DNAH14: variants seen among roughly 807,000 people sequenced by gnomAD.
The protein encoded by DNAH14 is dynein axonemal heavy chain 14, also known as axonemal beta dynein heavy chain 14.
A neutral mutation model predicts 520.9 loss-of-function variants in DNAH14; 478 were observed. That is an observed-to-expected ratio of 0.92 (90% CI 0.85 to 0.99). The LOEUF is 0.99. Among genes scored for constraint, DNAH14 ranks in the 50% least tolerant of loss-of-function variants. DNAH14 has a pLI of 0.00. For synonymous variants in DNAH14, 1,581 were observed against 1,757.2 expected (o/e 0.90, Z 2.51); for missense variants, 4,831 against 5,234.5 (o/e 0.92, Z 2.38).
Position 225,377,446 on chromosome 1 carries a change from C to T in DNAH14, c.12716+10C>T, listed in dbSNP as rs1394585196. ...CCAACCTCATGATCAGGTAAGAACTCGCTAGGAAAAATTGTTGGTCAAAAA... is the reference window on the plus strand; with the variant it reads ...CCAACCTCATGATCAGGTAAGAACTTGCTAGGAAAAATTGTTGGTCAAAAA... On this transcript the variant is annotated intron_variant, in intron 79 of 85. Transcript: ENST00000682510. 9.1e-6 allele frequency: 14 copies of T among 1,531,196 alleles called. No individual in the cohort carries two copies. The East Asian group carries it at 2.7e-4, about 30-fold the overall frequency. 94.9% of individuals were successfully genotyped at this position (1,531,196 alleles called of 1,614,324 possible). A position where few individuals can be genotyped will look rare whatever the true frequency, so the allele number is the denominator to read the frequency against.
At chr1:224,944,608 C>T (rs2059666427) in intron 1 of DNAH14, among the ~76,000 whole-genome samples, 1 of 152,174 alleles carries the variant, frequency 6.6e-6, no homozygotes, top group Non-Finnish European at 1.5e-5. Flanking sequence ...TACAATTTGG[C>T]ATGTTTTTGC....
At chr1:225,079,157 C>T in intron 17 of DNAH14, 50 bp from the exon 18 acceptor site, 1 of 1,460,976 alleles carries the variant, frequency 6.8e-7, no homozygotes, top group Non-Finnish European at 9.2e-7. Flanking sequence ...ATTAGTCTTC[C>T]AAAATGATGA....
intron 76 of DNAH14, among the ~76,000 whole-genome samples, chr1:225,366,299 A>C (rs1053839479): frequency 6.6e-6 from 1 of 152,206 alleles, no homozygotes; most frequent in African/African-American, 2.4e-5. Context: ...AATTTCATAC[A>C]ATTTGATCAT....
At chr1:225,006,192 T>A (rs1489790394) in intron 9 of DNAH14, among the ~76,000 whole-genome samples, 1 of 152,214 alleles carries the variant, frequency 6.6e-6, no homozygotes, top group Admixed American at 6.5e-5. Context: ...TTTACTTTAA[T>A]CTCTTAATCC....
At chr1:225,130,168 A>C (rs2148947295) in intron 27 of DNAH14, among the ~76,000 whole-genome samples, 1 of 152,328 alleles carries the variant, frequency 6.6e-6, no homozygotes, top group Admixed American at 6.5e-5. Context: ...GTCAGGAAAC[A>C]ACAGGTGCTA....
chr1:224,980,025 C>T (rs2062149276), intron 8 of DNAH14, among the ~76,000 whole-genome samples: 3 of 152,174 alleles, frequency 2.0e-5, no homozygotes, highest in African/African-American at 7.2e-5. Context: ...GGGTGAGACT[C>T]AAACATGCTG....
At chr1:225,369,937 G>A (rs1193582515) in intron 77 of DNAH14, among the ~76,000 whole-genome samples, 2 of 152,122 alleles carry the variant, frequency 1.3e-5, no homozygotes, top group African/African-American at 4.8e-5. Flanking sequence ...TGTAATCTCA[G>A]CACTTTGGGA....
At chr1:225,358,150 A>G (rs1432683921) in intron 73 of DNAH14, among the ~76,000 whole-genome samples, 1 of 152,146 alleles carries the variant, frequency 6.6e-6, no homozygotes, top group Non-Finnish European at 1.5e-5. Flanking sequence ...CTTGCTCTAG[A>G]CATGTATAGC....
rs568562490 is a variant in DNAH14 at position 224,949,050 on chromosome 1, T to G, written c.-33-3620T>G. On this transcript the variant is annotated intron_variant, in intron 1 of 85. Coordinates refer to ENST00000682510, the MANE Select transcript of DNAH14 (RefSeq NM_001367479.1). ...CTTTTTTGAAGTCCTTTAGGATAAT[T>G]TTTACTTGTGTTTATTGATTTTATT... Among the ~76,000 whole-genome samples the G allele has an allele frequency of 2.6e-5, 4 of 152,340 alleles. No homozygotes were observed. In the East Asian group the frequency reaches 7.7e-4, roughly 29 times the overall value.
At position 225,337,310 on chromosome 1, in the gene DNAH14, A is replaced by G; in HGVS notation, c.10125A>G (p.Ser3375=). ...HNQGLPHGQY[S]VENAILIKNG... Reference sequence around the variant, plus strand: ...AGGGACTGCCTCATGGTCAGTATTCAGTAGAGAATGCCATCTTGATCAAGA... The same window carrying G: ...AGGGACTGCCTCATGGTCAGTATTCGGTAGAGAATGCCATCTTGATCAAGA... The change falls in exon 67 of 86, where the codon TCA becomes TCG. Residue 3375 remains serine (S), a synonymous_variant. Transcript: ENST00000682510. The G allele has an allele frequency of 6.4e-7, 1 of 1,551,958 alleles. No individual in the cohort carries two copies. The highest frequency in any genetic ancestry group is 8.7e-7 in the Non-Finnish European group (1 of 1,147,036).
intron 69 of DNAH14, among the ~76,000 whole-genome samples, chr1:225,343,788 G>GTT (rs35549016): frequency 1.5e-3 from 208 of 136,312 alleles, no homozygotes; most frequent in African/African-American, 4.4e-3. Flanking sequence ...TTCTGTATCT[G>GTT]TTTTTTTTGT....
At chr1:225,037,810 G>C (rs1197884208) in intron 11 of DNAH14, among the ~76,000 whole-genome samples, 1 of 152,130 alleles carries the variant, frequency 6.6e-6, no homozygotes, top group East Asian at 1.9e-4. Context: ...AGCCTCCCGA[G>C]TAGCTGAGAT....
chr1:225,391,275 A>G (rs911611332), intron 83 of DNAH14, among the ~76,000 whole-genome samples: 2 of 152,198 alleles, frequency 1.3e-5, no homozygotes, highest in Non-Finnish European at 2.9e-5. Flanking sequence ...GCAGGGGTAC[A>G]TTGGAGAAGA....
chr1:225,088,478 A>G (rs1182210539), intron 21 of DNAH14, among the ~76,000 whole-genome samples: 1 of 152,186 alleles, frequency 6.6e-6, no homozygotes, highest in East Asian at 1.9e-4. Flanking sequence ...CATATGAAAC[A>G]TAGGTAGAAA....
intron 78 of DNAH14, 71 bp from the exon 79 acceptor site, chr1:225,377,166 G>A (rs1450393765): frequency 7.9e-7 from 1 of 1,272,482 alleles, no homozygotes; most frequent in Non-Finnish European, 1.0e-6. Context: ...ATCTTACTCT[G>A]GCAAAAACCA....
chr1:225,381,001 AT>A (rs1000094708), intron 80 of DNAH14, among the ~76,000 whole-genome samples: 1 of 152,154 alleles, frequency 6.6e-6, no homozygotes, highest in Non-Finnish European at 1.5e-5. Flanking sequence ...TGGCTTTTGC[AT>A]TTTTTAATGG....
chr1:225,151,470 G>A (rs1215973058), intron 31 of DNAH14, among the ~76,000 whole-genome samples: 1 of 152,178 alleles, frequency 6.6e-6, no homozygotes, highest in East Asian at 1.9e-4. Flanking sequence ...TTTGGTATCA[G>A]CTGTCCAAGA....
intron 83 of DNAH14, 98 bp downstream of exon 83, chr1:225,389,971 C>T: frequency 8.9e-7 from 1 of 1,125,228 alleles, no homozygotes; most frequent in East Asian, 2.6e-5. Context: ...TTTAGGATGA[C>T]AACACCTGCG....
Position 225,123,628 on chromosome 1 carries a change from G to A in DNAH14, c.4254+14G>A. 2.5e-6 allele frequency: 1 copy of A among 404,352 alleles called. No homozygotes were observed. Among genetic ancestry groups the A allele is most frequent in the Non-Finnish European group, 5.2e-6 (1 of 193,922 alleles). The allele number at this position is 404,352 out of a possible 1,614,324, so 25.0% of individuals were successfully genotyped here. On this transcript the variant is annotated intron_variant, in intron 27 of 85. Coordinates refer to ENST00000682510, the MANE Select transcript of DNAH14 (RefSeq NM_001367479.1). ...GTACTTACTGTGGTAAGTTAATGCTGCTTTGATGTATGTATACAGGGACAC... is the reference window on the plus strand; with the variant it reads ...GTACTTACTGTGGTAAGTTAATGCTACTTTGATGTATGTATACAGGGACAC...
Sources: allele counts gnomAD v4.1 joint callset (sites outside exome capture counted in the v4.1 genomes callset), GRCh38; gene constraint gnomAD v4.1.1; transcripts MANE v1.5; gene names NCBI Gene and HGNC (gene_info 2026-07-23, HGNC 2026-07-21).